Variants in DNAJC15 observed in about 807,000 individuals in gnomAD.
The protein encoded by DNAJC15 is dnaJ homolog subfamily C member 15.
DNAJC15 carries 27 observed loss-of-function variants against 22.4 expected under a neutral mutation model. The observed-to-expected ratio is 1.20, with a 90% CI of 0.89 to 1.66. DNAJC15 has a LOEUF of 1.66. Among genes scored for constraint, DNAJC15 ranks in the 40% most tolerant of loss-of-function variants. The probability of loss-of-function intolerance (pLI) is 0.00; values close to 1 mark genes in which losing one functional copy is unlikely to be tolerated. For synonymous variants in DNAJC15, 79 were observed against 63.2 expected (o/e 1.25, Z -1.19); for missense variants, 208 against 187.1 (o/e 1.11, Z -0.65).
In DNAJC15 at chr13:43,091,702, AT is replaced by A. The variant is rs1187489918; in HGVS notation, c.382+5870del. On this transcript the variant is annotated intron_variant, in intron 5 of 5. Coordinates refer to ENST00000379221, the MANE Select transcript of DNAJC15 (RefSeq NM_013238.3). ...GAGTTTATTTGCTGTTCTTTTTCTA[AT>A]TTTTTGAAATGAATAGTCAGATCAC... Among the ~76,000 whole-genome samples the A allele has an allele frequency of 7.9e-5, 12 of 151,162 alleles. No homozygotes were observed. The East Asian group carries it at 1.7e-3, about 22-fold the overall frequency.
At chr13:43,038,261 C>A (rs181617377) in intron 1 of DNAJC15, among the ~76,000 whole-genome samples, 48 of 152,314 alleles carry the variant, frequency 3.2e-4, no homozygotes, top group Non-Finnish European at 4.1e-4. Context: ...AATTTGCATT[C>A]CTAGCATCAG....
rs76728634 is a variant in DNAJC15 at position 43,026,977 on chromosome 13, T to G, written c.108+3243T>G. On this transcript the variant is annotated intron_variant, in intron 1 of 5. Coordinates refer to ENST00000379221, the MANE Select transcript of DNAJC15 (RefSeq NM_013238.3). ...AACTAAGAACTAATGTTCATTAGCC[T>G]GCTTAGGAGATTAAAATAATTTTTA... Among the ~76,000 whole-genome samples the G allele has an allele frequency of 5.0e-3, 767 of 152,366 alleles. 7 individuals are homozygous for G. The highest frequency in any genetic ancestry group is 0.017 in the African/African-American group (708 of 41,590).
chr13:43,095,689 G>A (rs1207714481), intron 5 of DNAJC15, among the ~76,000 whole-genome samples: 2 of 152,078 alleles, frequency 1.3e-5, no homozygotes, highest in Non-Finnish European at 2.9e-5. Flanking sequence ...AAAAATGTAA[G>A]GAGAAAATGA....
intron 1 of DNAJC15, among the ~76,000 whole-genome samples, chr13:43,038,609 A>G (rs564843626): frequency 5.9e-5 from 9 of 152,214 alleles, no homozygotes; most frequent in East Asian, 3.9e-4. Flanking sequence ...TGGCTAACAC[A>G]GTGAAACTCT....
intron 1 of DNAJC15, among the ~76,000 whole-genome samples, chr13:43,038,771 G>C (rs1173677799): frequency 7.0e-6 from 1 of 142,550 alleles, no homozygotes; most frequent in Non-Finnish European, 1.5e-5. Flanking sequence ...CAGCATGGGC[G>C]ACAAAGCGAG....
At chr13:43,104,067 A>G (rs2040784013) in intron 5 of DNAJC15, among the ~76,000 whole-genome samples, 3 of 152,178 alleles carry the variant, frequency 2.0e-5, no homozygotes, top group Admixed American at 2.0e-4. Context: ...TAATTTATAT[A>G]GAATAAAATG....
At chr13:43,034,607 A>C (rs71429448) in intron 1 of DNAJC15, among the ~76,000 whole-genome samples, 13 of 114,054 alleles carry the variant, frequency 1.1e-4, no homozygotes, top group Admixed American at 9.7e-4. Context: ...GAGCCACCGC[A>C]CCCAGCCGAG....
At chr13:43,085,341 A>G (rs1009369650) in intron 4 of DNAJC15, among the ~76,000 whole-genome samples, 3 of 139,324 alleles carry the variant, frequency 2.2e-5, no homozygotes, top group African/African-American at 2.7e-5. Flanking sequence ...AACCTGGGCA[A>G]CAGAGCAAGA....
chr13:43,030,676 A>C (rs1310183549), intron 1 of DNAJC15, among the ~76,000 whole-genome samples: 1 of 152,228 alleles, frequency 6.6e-6, no homozygotes, highest in African/African-American at 2.4e-5. Context: ...AGATGAATCA[A>C]ATACGCATTT....
chr13:43,064,863 T>A (rs1220825930), intron 1 of DNAJC15, among the ~76,000 whole-genome samples: 2 of 152,066 alleles, frequency 1.3e-5, no homozygotes, highest in Admixed American at 1.3e-4. Flanking sequence ...CATACACTAC[T>A]CTGGTTGTAT....
intron 5 of DNAJC15, among the ~76,000 whole-genome samples, chr13:43,091,478 T>C (rs1264905117): frequency 1.3e-5 from 2 of 152,232 alleles, no homozygotes; most frequent in Non-Finnish European, 2.9e-5. Flanking sequence ...TAGGAATTTG[T>C]TCATTTCACC....
intron 1 of DNAJC15, among the ~76,000 whole-genome samples, chr13:43,029,675 T>A (rs1446252948): frequency 2.6e-5 from 4 of 152,196 alleles, no homozygotes; most frequent in Non-Finnish European, 5.9e-5. Flanking sequence ...TTTGGTTTTT[T>A]TAGTGGATAT....
chr13:43,027,365 A>G (rs1379925678), intron 1 of DNAJC15, among the ~76,000 whole-genome samples: 5 of 152,182 alleles, frequency 3.3e-5, no homozygotes, highest in Non-Finnish European at 7.3e-5. Flanking sequence ...TAAGCCCAGC[A>G]TGCATTAGCT....
At chr13:43,094,059 C>A (rs2040728016) in intron 5 of DNAJC15, among the ~76,000 whole-genome samples, 1 of 152,168 alleles carries the variant, frequency 6.6e-6, no homozygotes, top group African/African-American at 2.4e-5. Context: ...AGATATTCTT[C>A]CTTGCTATTA....
At chr13:43,026,479 C>G (rs566985889) in intron 1 of DNAJC15, among the ~76,000 whole-genome samples, 17 of 152,206 alleles carry the variant, frequency 1.1e-4, no homozygotes, top group Admixed American at 3.9e-4. Context: ...AGGGGTTGTT[C>G]TGCTTCTTTT....
chr13:43,029,750 AAAT>A (rs1043912157), intron 1 of DNAJC15, among the ~76,000 whole-genome samples: 54 of 152,240 alleles, frequency 3.5e-4, no homozygotes, highest in African/African-American at 1.3e-3. Flanking sequence ...GGCATTATTT[AAAT>A]AATGTTTCTT....
chr13:43,054,640 T>C (rs888978024), intron 1 of DNAJC15, among the ~76,000 whole-genome samples: 3 of 152,222 alleles, frequency 2.0e-5, no homozygotes, highest in African/African-American at 7.2e-5. Context: ...TGGAGGGTTG[T>C]ATATTTCCTG....
chr13:43,051,685 C>G (rs566223478), intron 1 of DNAJC15, among the ~76,000 whole-genome samples: 81 of 151,342 alleles, frequency 5.4e-4, no homozygotes, highest in African/African-American at 1.9e-3. Flanking sequence ...TTTTCTTTAT[C>G]CGCTCTTTGA....
At chr13:43,075,328 C>T (rs1354356763) in intron 3 of DNAJC15, among the ~76,000 whole-genome samples, 1 of 152,130 alleles carries the variant, frequency 6.6e-6, no homozygotes, top group African/African-American at 2.4e-5. Context: ...TGCTCAGATA[C>T]CAATACCTGC....
Sources: allele counts gnomAD v4.1 joint callset (sites outside exome capture counted in the v4.1 genomes callset), GRCh38; gene constraint gnomAD v4.1.1; transcripts MANE v1.5; gene names NCBI Gene and HGNC (gene_info 2026-07-23, HGNC 2026-07-21).